Variants in ABL2 observed in about 807,000 individuals in gnomAD.
The protein encoded by ABL2 is tyrosine-protein kinase ABL2.
In ABL2, 49 loss-of-function variants were observed where a neutral mutation model predicts 107.7. The observed-to-expected ratio is 0.45, with a 90% CI of 0.36 to 0.58. The LOEUF (loss-of-function observed/expected upper bound fraction) is 0.58. Among genes scored for constraint, ABL2 ranks in the 20% least tolerant of loss-of-function variants. The pLI is 0.00. For missense variants in ABL2, 1,245 were observed against 1,457.0 expected, an observed-to-expected ratio of 0.85 and a Z score of 2.37; for synonymous variants, 549 against 548.6, an observed-to-expected ratio of 1.00 and a Z score of -0.01.
chr1:179,167,563 G>C (rs1659464357), intron 1 of ABL2, among the ~76,000 whole-genome samples: 1 of 152,206 alleles, frequency 6.6e-6, no homozygotes, highest in Non-Finnish European at 1.5e-5. Flanking sequence ...AGCTAGAAAA[G>C]AGGATCTGAA....
chr1:179,165,528 G>A (rs937332747), intron 1 of ABL2, among the ~76,000 whole-genome samples: 2 of 152,114 alleles, frequency 1.3e-5, no homozygotes, highest in African/African-American at 4.8e-5. Context: ...TTAAAGTAGA[G>A]GAGGTAAGCA....
intron 8 of ABL2, among the ~76,000 whole-genome samples, chr1:179,115,236 C>T (rs1654513323): frequency 6.6e-6 from 1 of 152,152 alleles, no homozygotes; most frequent in South Asian, 2.1e-4. Context: ...AATCTCAAGA[C>T]AGTTTTATTT....
chr1:179,229,428 C>T lies in ABL2; in HGVS notation c.-31G>A. ...CTCTCGCGTACTCCCGCGCCCCCGC[C>T]GACCCCTGGTCACATTCCTCCTCGG... On this transcript the variant is annotated 5_prime_UTR_variant, in exon 1 of 12. Coordinates refer to ENST00000502732, the MANE Select transcript of ABL2 (RefSeq NM_007314.4). 1 of 1,482,666 alleles carries T rather than the reference C, an allele frequency of 6.7e-7. No homozygotes were observed. Among genetic ancestry groups the T allele is most frequent in the Non-Finnish European group, 8.9e-7 (1 of 1,128,008 alleles). 91.8% of individuals were successfully genotyped at this position (1,482,666 alleles called of 1,614,324 possible).
chr1:179,115,305 C>T (rs891773572), intron 8 of ABL2, among the ~76,000 whole-genome samples: 5 of 152,108 alleles, frequency 3.3e-5, no homozygotes, highest in Non-Finnish European at 5.9e-5. Context: ...TAAACTATGA[C>T]CATTTAAGAA....
chr1:179,213,507 C>T (rs937494671), intron 1 of ABL2, among the ~76,000 whole-genome samples: 2 of 151,986 alleles, frequency 1.3e-5, no homozygotes, highest in Non-Finnish European at 2.9e-5. Context: ...CACTATATTG[C>T]CCAGGCTGGT....
At chr1:179,207,977 G>T (rs1480016892) in intron 1 of ABL2, among the ~76,000 whole-genome samples, 5 of 150,846 alleles carry the variant, frequency 3.3e-5, no homozygotes, top group Non-Finnish European at 1.5e-5. Context: ...CTTTTTTTTT[G>T]AATAAGTATT....
intron 1 of ABL2, among the ~76,000 whole-genome samples, chr1:179,161,829 G>A (rs757341550): frequency 2.6e-5 from 4 of 152,198 alleles, no homozygotes; most frequent in Non-Finnish European, 1.5e-5. Flanking sequence ...ACAGTGCTGG[G>A]AGATGGGGCC....
At chr1:179,114,800 A>G in intron 9 of ABL2, 78 bp downstream of exon 9, 1 of 1,408,312 alleles carries the variant, frequency 7.1e-7, no homozygotes, top group Non-Finnish European at 9.5e-7. Flanking sequence ...CACTGAGAGG[A>G]GAAATGTTTC....
intron 1 of ABL2, among the ~76,000 whole-genome samples, chr1:179,210,373 G>C (rs1396708332): frequency 6.6e-6 from 1 of 151,348 alleles, no homozygotes; most frequent in African/African-American, 2.4e-5. Flanking sequence ...GGGCGTGGTG[G>C]TGCACACCTG....
At chr1:179,153,046 C>T (rs1053733880) in intron 1 of ABL2, among the ~76,000 whole-genome samples, 16 of 151,764 alleles carry the variant, frequency 1.1e-4, no homozygotes, top group Non-Finnish European at 1.9e-4. Flanking sequence ...ATAAACATGG[C>T]TCAACATTTT....
intron 1 of ABL2, among the ~76,000 whole-genome samples, chr1:179,169,814 T>C (rs1659613174): frequency 1.3e-5 from 2 of 152,062 alleles, no homozygotes; most frequent in Non-Finnish European, 2.9e-5. Context: ...GAGGCTGAGT[T>C]GAGGCCAGAA....
chr1:179,134,535 C>T (rs1481147288), intron 1 of ABL2, among the ~76,000 whole-genome samples: 1 of 152,118 alleles, frequency 6.6e-6, no homozygotes, highest in Non-Finnish European at 1.5e-5. Flanking sequence ...CTTGGAGATG[C>T]CCTTTCTCTG....
intron 6 of ABL2, 75 bp downstream of exon 6, chr1:179,120,115 A>AT: frequency 5.6e-6 from 5 of 889,614 alleles, no homozygotes; most frequent in Non-Finnish European, 8.6e-6. Flanking sequence ...AAAAAAAAAA[A>AT]GCATTTGGAG....
intron 1 of ABL2, among the ~76,000 whole-genome samples, chr1:179,213,160 CTAAAA>C (rs952662068): frequency 4.0e-5 from 6 of 151,436 alleles, no homozygotes; most frequent in East Asian, 1.9e-4. Flanking sequence ...ATATGTCTAT[CTAAAA>C]TATTATTTAA....
At chr1:179,217,073 A>C (rs572246803) in intron 1 of ABL2, among the ~76,000 whole-genome samples, 2 of 150,226 alleles carry the variant, frequency 1.3e-5, no homozygotes, top group African/African-American at 2.4e-5. Flanking sequence ...AGGCAGGCGG[A>C]TCACTTGAGG....
Position 179,133,295 on chromosome 1 carries a change from A to G in ABL2, c.220+17T>C. The stretch of plus-strand genomic sequence containing the variant: ...CAATGCCTTAGTTCAAATCTGCAAC[A>G]TCTCAACATCTCTCACCTGGACTAC... On this transcript the variant is annotated intron_variant, in intron 2 of 11. Transcript: ENST00000502732. 6.2e-7 allele frequency: 1 copy of G among 1,614,144 alleles called. No individual in the cohort carries two copies. The highest frequency in any genetic ancestry group is 1.1e-5 in the South Asian group (1 of 91,064).
intron 1 of ABL2, among the ~76,000 whole-genome samples, chr1:179,214,442 G>C (rs575506811): frequency 6.8e-6 from 1 of 147,672 alleles, no homozygotes; most frequent in African/African-American, 2.5e-5. Context: ...CACTATATAA[G>C]CTTACAATAA....
At chr1:179,122,709 A>G (rs1325938739) in intron 4 of ABL2, among the ~76,000 whole-genome samples, 1 of 151,398 alleles carries the variant, frequency 6.6e-6, no homozygotes, top group Non-Finnish European at 1.5e-5. Context: ...GCTGGAGTGC[A>G]GTGTCATGAC....
chr1:179,186,690 T>C (rs982041271), intron 1 of ABL2, among the ~76,000 whole-genome samples: 1 of 152,086 alleles, frequency 6.6e-6, no homozygotes, highest in African/African-American at 2.4e-5. Flanking sequence ...GTTTTGTCAA[T>C]ATGCCGGACT....
Sources: allele counts gnomAD v4.1 joint callset (sites outside exome capture counted in the v4.1 genomes callset), GRCh38; gene constraint gnomAD v4.1.1; transcripts MANE v1.5; gene names NCBI Gene and HGNC (gene_info 2026-07-23, HGNC 2026-07-21).